The following TRIO variants were observed in gnomAD, a reference collection of about 807,000 sequenced individuals.
TRIO encodes the protein triple functional domain protein.
Under a neutral mutation model 351.9 loss-of-function variants are expected in TRIO, and 58 were observed. That is an observed-to-expected ratio of 0.16 (90% CI 0.13 to 0.21). The LOEUF (loss-of-function observed/expected upper bound fraction) is 0.21. Ranked by LOEUF, TRIO falls within the 10% of genes least tolerant of loss-of-function variation. The pLI is 1.00. For synonymous variants in TRIO, 1,758 were observed against 1,595.7 expected, an observed-to-expected ratio of 1.10 and a Z score of -2.42; for missense variants, 3,201 against 4,027.8, an observed-to-expected ratio of 0.79 and a Z score of 5.56.
chr5:14,256,903 C>T (rs1316438734), intron 1 of TRIO, among the ~76,000 whole-genome samples: 1 of 152,198 alleles, frequency 6.6e-6, no homozygotes, highest in Non-Finnish European at 1.5e-5. Context: ...TTACTTTAAA[C>T]AAATGAGTTC....
At chr5:14,172,513 T>C (rs1186016105) in intron 1 of TRIO, among the ~76,000 whole-genome samples, 1 of 152,152 alleles carries the variant, frequency 6.6e-6, no homozygotes, top group African/African-American at 2.4e-5. Flanking sequence ...AAGAACTGGC[T>C]TAATGGAGTG....
intron 1 of TRIO, among the ~76,000 whole-genome samples, chr5:14,151,181 T>G (rs1216145833): frequency 3.9e-5 from 6 of 152,234 alleles, no homozygotes; most frequent in Non-Finnish European, 8.8e-5. Context: ...CATTCTTGTA[T>G]ATAATTGACA....
In TRIO at chr5:14,278,846, T is replaced by G. The variant is rs145313971; in HGVS notation, c.233-1476T>G. The stretch of plus-strand genomic sequence containing the variant: ...CCTCTAAGGACCAGGAACCCGTTAT[T>G]TAGTTATCTCTGTGACATTTTTACT... On this transcript the variant is annotated intron_variant, in intron 2 of 56. Coordinates refer to ENST00000344204, the MANE Select transcript of TRIO (RefSeq NM_007118.4). Among the ~76,000 whole-genome samples the G allele has an allele frequency of 6.7e-3, 1,024 of 152,336 alleles. 11 individuals are homozygous for G. The highest frequency in any genetic ancestry group is 0.023 in the African/African-American group (967 of 41,560).
At chr5:14,245,943 T>G (rs1231428939) in intron 1 of TRIO, among the ~76,000 whole-genome samples, 1 of 152,236 alleles carries the variant, frequency 6.6e-6, no homozygotes, top group Non-Finnish European at 1.5e-5. Context: ...CTATTCCATT[T>G]AGGACAAGAT....
At chr5:14,370,892 T>C (rs10076925) in intron 18 of TRIO, among the ~76,000 whole-genome samples, 5,312 of 152,296 alleles carry the variant, frequency 0.035, 330 homozygotes, top group African/African-American at 0.12. Flanking sequence ...ACTTAGTTCA[T>C]ATAATTAAGA....
At chr5:14,334,574 A>G (rs773759428) in intron 10 of TRIO, among the ~76,000 whole-genome samples, 7 of 152,230 alleles carry the variant, frequency 4.6e-5, no homozygotes, top group Non-Finnish European at 1.0e-4. Context: ...CCACAATTCC[A>G]AAACTGTAGT....
intron 11 of TRIO, among the ~76,000 whole-genome samples, chr5:14,352,639 T>C (rs1054151927): frequency 2.6e-5 from 4 of 152,210 alleles, no homozygotes; most frequent in African/African-American, 9.6e-5. Flanking sequence ...TTCTCCAAAT[T>C]GAATGAGAAT....
intron 1 of TRIO, among the ~76,000 whole-genome samples, chr5:14,245,907 A>T (rs763788737): frequency 2.6e-5 from 4 of 152,228 alleles, no homozygotes; most frequent in Non-Finnish European, 5.9e-5. Context: ...TTAGAAGCCT[A>T]TTAGGGTGTT....
At chr5:14,221,609 A>C (rs985900515) in intron 1 of TRIO, among the ~76,000 whole-genome samples, 2 of 152,246 alleles carry the variant, frequency 1.3e-5, no homozygotes, top group Admixed American at 6.5e-5. Context: ...TCAGCACTTC[A>C]GTGGAAGAAG....
chr5:14,361,938 T>C lies in TRIO; in HGVS notation c.2392-1794T>C, dbSNP rs187199038. 5.4e-3 allele frequency among the ~76,000 whole-genome samples: 829 copies of C among 152,276 alleles called. 10 individuals are homozygous for C. The highest frequency in any genetic ancestry group is 0.019 in the African/African-American group (797 of 41,558). On this transcript the variant is annotated intron_variant, in intron 13 of 56. Transcript: ENST00000344204. The stretch of plus-strand genomic sequence containing the variant: ...TTCGAGACCAGCCTGGTCAACATGG[T>C]GAAACCCCATCTCTACTAAAAATAC...
intron 2 of TRIO, among the ~76,000 whole-genome samples, chr5:14,273,411 ACTTC>A (rs1195724278): frequency 2.0e-5 from 3 of 152,216 alleles, no homozygotes; most frequent in Non-Finnish European, 4.4e-5. Flanking sequence ...AGAATGTACT[ACTTC>A]CTTCATTTAG....
chr5:14,243,816 A>G (rs1794274582), intron 1 of TRIO, among the ~76,000 whole-genome samples: 1 of 152,224 alleles, frequency 6.6e-6, no homozygotes, highest in African/African-American at 2.4e-5. Context: ...AGGCATGCCA[A>G]TAGCCTAGAG....
At chr5:14,348,142 C>T (rs760595381) in intron 11 of TRIO, among the ~76,000 whole-genome samples, 18 of 152,230 alleles carry the variant, frequency 1.2e-4, no homozygotes, top group East Asian at 3.9e-4. Context: ...GTCCCTATGT[C>T]GTTTTGTTTT....
chr5:14,278,173 T>C (rs1735704333), intron 2 of TRIO, among the ~76,000 whole-genome samples: 1 of 152,180 alleles, frequency 6.6e-6, no homozygotes, highest in African/African-American at 2.4e-5. Flanking sequence ...GGAGAAATCT[T>C]TGTAGTTGAA....
At chr5:14,336,102 T>C (rs1741385701) in intron 10 of TRIO, among the ~76,000 whole-genome samples, 1 of 152,266 alleles carries the variant, frequency 6.6e-6, no homozygotes, top group Middle Eastern at 3.2e-3. Flanking sequence ...CTTTAACTTG[T>C]ACTTCGAGAA....
chr5:14,288,444 G>A (rs942451924), intron 4 of TRIO, among the ~76,000 whole-genome samples: 20 of 152,096 alleles, frequency 1.3e-4, no homozygotes, highest in African/African-American at 2.7e-4. Flanking sequence ...CGAGGCGGGC[G>A]GACCACGAGG....
chr5:14,241,582 G>T (rs763923269), intron 1 of TRIO, among the ~76,000 whole-genome samples: 6 of 152,104 alleles, frequency 3.9e-5, no homozygotes, highest in Non-Finnish European at 8.8e-5. Context: ...CCTACTATAG[G>T]CTAAATTTTA....
At chr5:14,277,453 G>A (rs2152274424) in intron 2 of TRIO, among the ~76,000 whole-genome samples, 1 of 152,266 alleles carries the variant, frequency 6.6e-6, no homozygotes, top group Non-Finnish European at 1.5e-5. Flanking sequence ...CTGTGATGCT[G>A]GCAGCATTTC....
intron 34 of TRIO, among the ~76,000 whole-genome samples, chr5:14,441,881 C>G (rs1752082107): frequency 6.6e-6 from 1 of 152,158 alleles, no homozygotes; most frequent in African/African-American, 2.4e-5. Flanking sequence ...CCATTGTATT[C>G]AAGGGAGTGT....
Sources: gnomAD v4.1 joint callset for allele counts (sites outside exome capture counted in the v4.1 genomes callset) on GRCh38, gnomAD v4.1.1 for gene constraint, MANE v1.5 for transcripts, NCBI Gene and HGNC (gene_info 2026-07-23, HGNC 2026-07-21) for gene names.